Variants in CDIN1 observed in about 807,000 individuals in gnomAD.
CDIN1 encodes CDAN1-interacting nuclease 1.
A neutral mutation model predicts 45.3 loss-of-function variants in CDIN1; 33 were observed. That is an observed-to-expected ratio of 0.73 (90% CI 0.55 to 0.97). CDIN1 has a LOEUF of 0.97. Ranked by LOEUF, CDIN1 falls within the 50% of genes least tolerant of loss-of-function variation. The pLI is 0.00. For missense variants in CDIN1, 303 were observed against 339.4 expected, an observed-to-expected ratio of 0.89 and a Z score of 0.84; for synonymous variants, 118 against 124.4, an observed-to-expected ratio of 0.95 and a Z score of 0.34.
chr15:36,717,537 C>G (rs921414883), intron 10 of CDIN1, among the ~76,000 whole-genome samples: 1 of 152,110 alleles, frequency 6.6e-6, no homozygotes, highest in Non-Finnish European at 1.5e-5. Context: ...AGTAGCATGG[C>G]TGTTCCACTG....
intron 4 of CDIN1, among the ~76,000 whole-genome samples, chr15:36,654,897 C>A (rs371656725): frequency 2.6e-4 from 40 of 152,260 alleles, no homozygotes; most frequent in African/African-American, 7.9e-4. Context: ...GTAATAAGAG[C>A]AATACAATAT....
intron 5 of CDIN1, among the ~76,000 whole-genome samples, chr15:36,682,359 G>A (rs1374350610): frequency 6.6e-6 from 1 of 152,120 alleles, no homozygotes; most frequent in Non-Finnish European, 1.5e-5. Context: ...CAGCCTTTTA[G>A]TTCTAGTCGG....
chr15:36,798,011 TAG>T (rs1481877514), intron 10 of CDIN1, among the ~76,000 whole-genome samples: 2 of 126,396 alleles, frequency 1.6e-5, no homozygotes, highest in Admixed American at 8.8e-5. Context: ...CATTATATAG[TAG>T]AGAGTTATTA....
At chr15:36,783,025 CT>C in intron 10 of CDIN1, among the ~76,000 whole-genome samples, 1 of 152,266 alleles carries the variant, frequency 6.6e-6, no homozygotes. Context: ...ATCCAAGTCT[CT>C]TTTATGCCAT....
intron 10 of CDIN1, among the ~76,000 whole-genome samples, chr15:36,726,681 A>G (rs552001426): frequency 1.3e-5 from 2 of 152,304 alleles, no homozygotes; most frequent in South Asian, 4.1e-4. Context: ...TCTTGTTTCT[A>G]ACCATTCTCC....
chr15:36,671,492 T>C (rs1485595297), intron 5 of CDIN1, among the ~76,000 whole-genome samples: 2 of 152,104 alleles, frequency 1.3e-5, no homozygotes, highest in Non-Finnish European at 2.9e-5. Context: ...TTCTCTTTTT[T>C]TTTGTTTACT....
intron 10 of CDIN1, among the ~76,000 whole-genome samples, chr15:36,720,541 C>A (rs2043377339): frequency 6.7e-6 from 1 of 149,682 alleles, no homozygotes; most frequent in Non-Finnish European, 1.5e-5. Context: ...GGTTTTCTGT[C>A]CTCGTGATAG....
At chr15:36,774,137 T>TGG (rs1566964590) in intron 10 of CDIN1, among the ~76,000 whole-genome samples, 10 of 68,292 alleles carry the variant, frequency 1.5e-4, no homozygotes, top group Non-Finnish European at 3.6e-4. Flanking sequence ...GACAGGGGTG[T>TGG]GTGTGTGTGT....
At chr15:36,586,993 G>C (rs2037332205) in intron 1 of CDIN1, among the ~76,000 whole-genome samples, 1 of 152,180 alleles carries the variant, frequency 6.6e-6, no homozygotes. Context: ...TATTTTGCTA[G>C]TAGACCAAGC....
intron 8 of CDIN1, chr15:36,707,289 G>A (rs2042901696): frequency 6.6e-6 from 1 of 152,110 alleles, no homozygotes; most frequent in African/African-American, 2.4e-5. Flanking sequence ...GAGAAAGAGT[G>A]AGAGGGAGGG....
intron 10 of CDIN1, among the ~76,000 whole-genome samples, chr15:36,717,119 C>A (rs760917493): frequency 6.6e-6 from 1 of 152,104 alleles, no homozygotes; most frequent in Non-Finnish European, 1.5e-5. Flanking sequence ...GAAAATGGAC[C>A]ATTTGTTCTC....
intron 5 of CDIN1, among the ~76,000 whole-genome samples, chr15:36,682,720 A>G (rs1008420843): frequency 1.7e-4 from 25 of 148,106 alleles, no homozygotes; most frequent in Non-Finnish European, 6.0e-5. Context: ...CAGTAAGTTG[A>G]GATCACACCA....
intron 5 of CDIN1, among the ~76,000 whole-genome samples, chr15:36,684,818 G>A (rs939578444): frequency 6.6e-6 from 1 of 151,114 alleles, no homozygotes; most frequent in East Asian, 2.0e-4. Flanking sequence ...GAGAGTGTAT[G>A]TGTCGAGGAA....
intron 1 of CDIN1, among the ~76,000 whole-genome samples, chr15:36,584,979 G>A (rs2037227228): frequency 1.3e-5 from 2 of 151,224 alleles, no homozygotes; most frequent in South Asian, 4.2e-4. Context: ...TACATTTGAA[G>A]TACTTGCTGA....
Position 36,751,229 on chromosome 15 carries a change from T to TA in CDIN1, c.716+41268_716+41269insA, listed in dbSNP as rs1555404178. ...ATAAAAGCATATATATATGCTTATT[T>TA]TATATATATATATATATATATATAT... On this transcript the variant is annotated intron_variant, in intron 10 of 10. Coordinates refer to ENST00000566621, the MANE Select transcript of CDIN1 (RefSeq NM_001321759.2). 1.0e-3 allele frequency among the ~76,000 whole-genome samples: 99 copies of TA among 97,550 alleles called. 1 individual carries two copies. The highest frequency in any genetic ancestry group is 4.6e-3 in the East Asian group (9 of 1,974). 64.0% of individuals were successfully genotyped at this position (97,550 alleles called of 152,430 possible). A position where few individuals can be genotyped will look rare whatever the true frequency, so the allele number is the denominator to read the frequency against.
intron 8 of CDIN1, among the ~76,000 whole-genome samples, chr15:36,703,637 G>A (rs1023455758): frequency 6.6e-6 from 1 of 151,906 alleles, no homozygotes; most frequent in Admixed American, 6.6e-5. Context: ...CATAACCAAA[G>A]GCATTGGGGG....
At chr15:36,768,878 G>T (rs1035420592) in intron 10 of CDIN1, among the ~76,000 whole-genome samples, 9 of 152,042 alleles carry the variant, frequency 5.9e-5, no homozygotes, top group African/African-American at 2.2e-4. Context: ...GAGTTTCCTA[G>T]GAGGACCTTT....
intron 1 of CDIN1, among the ~76,000 whole-genome samples, chr15:36,631,308 C>T (rs1317769910): frequency 1.3e-5 from 2 of 152,172 alleles, no homozygotes; most frequent in East Asian, 3.9e-4. Context: ...ATATACAGTT[C>T]AGTGGTTTTT....
At chr15:36,720,788 T>A (rs1353605711) in intron 10 of CDIN1, among the ~76,000 whole-genome samples, 5 of 152,200 alleles carry the variant, frequency 3.3e-5, no homozygotes, top group Non-Finnish European at 5.9e-5. Flanking sequence ...TTTGGGTATA[T>A]ACCCAGTAAT....
Sources: gnomAD v4.1 joint callset for allele counts (sites outside exome capture counted in the v4.1 genomes callset) on GRCh38, gnomAD v4.1.1 for gene constraint, MANE v1.5 for transcripts, NCBI Gene and HGNC (gene_info 2026-07-23, HGNC 2026-07-21) for gene names.